The following PLXNA4 variants were observed in gnomAD, a reference collection of about 807,000 sequenced individuals.
PLXNA4 encodes the protein plexin A4, also known as plexin-A4.
Under a neutral mutation model 191.8 loss-of-function variants are expected in PLXNA4, and 44 were observed. The ratio of observed to expected loss-of-function variants is 0.23; its 90% CI spans 0.18 to 0.29. The LOEUF (loss-of-function observed/expected upper bound fraction) is 0.29. PLXNA4 is among the 10% of genes least tolerant of loss of function. The pLI is 1.00. For synonymous variants in PLXNA4, 1,082 were observed against 1,009.5 expected (o/e 1.07, Z -1.36); for missense variants, 1,800 against 2,488.8 (o/e 0.72, Z 5.89).
At chr7:132,565,821 G>GC (rs1801697109) in intron 1 of PLXNA4, among the ~76,000 whole-genome samples, 1 of 152,174 alleles carries the variant, frequency 6.6e-6, no homozygotes, top group Admixed American at 6.5e-5. Context: ...CAATTTCCCA[G>GC]CATGGCTGGG....
intron 3 of PLXNA4, among the ~76,000 whole-genome samples, chr7:132,352,982 C>T (rs1054490485): frequency 2.0e-5 from 3 of 151,966 alleles, no homozygotes; most frequent in Admixed American, 6.5e-5. Context: ...ATTGCTCAAA[C>T]ATGAAAAAAA....
At chr7:132,194,839 A>G (rs1277939544) in intron 13 of PLXNA4, among the ~76,000 whole-genome samples, 2 of 152,222 alleles carry the variant, frequency 1.3e-5, no homozygotes, top group Non-Finnish European at 2.9e-5. Context: ...GTAAAAAGTG[A>G]GTGCCCCATT....
At chr7:132,588,876 A>C (rs1341269311) in intron 2 of PLXNA4, among the ~76,000 whole-genome samples, 1 of 151,524 alleles carries the variant, frequency 6.6e-6, no homozygotes, top group Admixed American at 6.6e-5. Flanking sequence ...AAGGGAAGAA[A>C]AGGGGGAAAG....
At chr7:132,191,376 G>A (rs907591107) in intron 14 of PLXNA4, among the ~76,000 whole-genome samples, 4 of 152,184 alleles carry the variant, frequency 2.6e-5, no homozygotes, top group Admixed American at 1.3e-4. Context: ...GATGGGAATA[G>A]GCAAGAGAGG....
intron 3 of PLXNA4, among the ~76,000 whole-genome samples, chr7:132,442,501 CT>C (rs550712610): frequency 6.6e-6 from 1 of 152,218 alleles, no homozygotes; most frequent in South Asian, 2.1e-4. Flanking sequence ...GAACGGGCAA[CT>C]TTCCCCACCA....
chr7:132,525,841 G>A (rs1799379835), intron 1 of PLXNA4, among the ~76,000 whole-genome samples: 1 of 152,200 alleles, frequency 6.6e-6, no homozygotes, highest in African/African-American at 2.4e-5. Flanking sequence ...CTCCTGGGGA[G>A]CCATGATGCA....
chr7:132,403,321 TC>T (rs1794072246), intron 3 of PLXNA4, among the ~76,000 whole-genome samples: 1 of 152,218 alleles, frequency 6.6e-6, no homozygotes. Flanking sequence ...TGTCCCATTT[TC>T]ATCCAAATGT....
chr7:132,284,636 C>T (rs879052214), intron 4 of PLXNA4, among the ~76,000 whole-genome samples: 1 of 152,132 alleles, frequency 6.6e-6, no homozygotes. Flanking sequence ...ACTATGAGGC[C>T]AGAGCCAACC....
At chr7:132,209,398 T>C (rs1053564430) in intron 10 of PLXNA4, among the ~76,000 whole-genome samples, 9 of 152,224 alleles carry the variant, frequency 5.9e-5, no homozygotes, top group African/African-American at 2.2e-4. Flanking sequence ...GGTCTTGTTT[T>C]GGAGAGAATG....
At chr7:132,475,226 C>T (rs964488458) in intron 3 of PLXNA4, among the ~76,000 whole-genome samples, 4 of 152,116 alleles carry the variant, frequency 2.6e-5, no homozygotes, top group African/African-American at 4.8e-5. Context: ...CAGTAGCTCC[C>T]GTTGCCCCTC....
At chr7:132,435,126 C>G (rs1187091418) in intron 3 of PLXNA4, among the ~76,000 whole-genome samples, 1 of 152,120 alleles carries the variant, frequency 6.6e-6, no homozygotes, top group Non-Finnish European at 1.5e-5. Flanking sequence ...GTATGTTTGC[C>G]TCGCCTCGGG....
chr7:132,224,877 G>C (rs560642941), intron 8 of PLXNA4, among the ~76,000 whole-genome samples: 1 of 152,320 alleles, frequency 6.6e-6, no homozygotes, highest in African/African-American at 2.4e-5. Context: ...CACCAGCCTA[G>C]ATCTCTGGTC....
intron 3 of PLXNA4, among the ~76,000 whole-genome samples, chr7:132,440,006 G>GTGTGTGTGTA (rs1413942398): frequency 1.3e-5 from 2 of 151,848 alleles, no homozygotes; most frequent in African/African-American, 4.8e-5. Flanking sequence ...GTGTGTGTGT[G>GTGTGTGTGTA]TGTGTATGTG....
intron 1 of PLXNA4, among the ~76,000 whole-genome samples, chr7:132,552,340 C>T (rs1585321457): frequency 1.3e-5 from 2 of 152,170 alleles, no homozygotes; most frequent in South Asian, 4.1e-4. Context: ...TCAGCAAACA[C>T]TTGGTCAAAA....
chr7:132,258,122 G>C (rs1799496514), intron 4 of PLXNA4, among the ~76,000 whole-genome samples: 1 of 152,242 alleles, frequency 6.6e-6, no homozygotes, highest in Non-Finnish European at 1.5e-5. Flanking sequence ...CTGCCCTCAT[G>C]TCGGGTCACT....
chr7:132,627,493 T>C (rs910427089), intron 2 of PLXNA4, among the ~76,000 whole-genome samples: 9 of 152,244 alleles, frequency 5.9e-5, no homozygotes, highest in African/African-American at 1.7e-4. Context: ...ATTTGCTTAG[T>C]TTTTATGTAG....
chr7:132,152,692 C>G (rs1485839539), intron 25 of PLXNA4, among the ~76,000 whole-genome samples: 1 of 152,336 alleles, frequency 6.6e-6, no homozygotes, highest in African/African-American at 2.4e-5. Flanking sequence ...GAAGGCTGAG[C>G]CTCTTGGGCA....
At chr7:132,439,995 A>AGTGTGTGTGTGT (rs3067108) in intron 3 of PLXNA4, among the ~76,000 whole-genome samples, 185 of 150,198 alleles carry the variant, frequency 1.2e-3, no homozygotes, top group African/African-American at 4.3e-3. Context: ...TGCATGTGTG[A>AGTGTGTGTGTGT]GTGTGTGTGT....
intron 3 of PLXNA4, among the ~76,000 whole-genome samples, chr7:132,468,538 G>T (rs922431846): frequency 6.6e-6 from 1 of 152,186 alleles, no homozygotes; most frequent in African/African-American, 2.4e-5. Flanking sequence ...AGTCGAAGGG[G>T]CAGGCAATGC....
Sources: allele counts gnomAD v4.1 joint callset (sites outside exome capture counted in the v4.1 genomes callset), GRCh38; gene constraint gnomAD v4.1.1; transcripts MANE v1.5; gene names NCBI Gene and HGNC (gene_info 2026-07-23, HGNC 2026-07-21).